Variants in SGCD observed in about 807,000 individuals in gnomAD.
The protein encoded by SGCD is delta-sarcoglycan.
SGCD carries 18 observed loss-of-function variants against 36.6 expected under a neutral mutation model. The ratio of observed to expected loss-of-function variants is 0.49; its 90% CI spans 0.34 to 0.73. The LOEUF is 0.73. SGCD is among the 30% of genes least tolerant of loss of function. SGCD has a pLI of 0.01. For missense variants in SGCD, 387 were observed against 346.7 expected (o/e 1.12, Z -0.92); for synonymous variants, 133 against 130.6 (o/e 1.02, Z -0.12).
intron 3 of SGCD, among the ~76,000 whole-genome samples, chr5:156,261,666 C>T (rs933364897): frequency 6.6e-6 from 1 of 152,070 alleles, no homozygotes; most frequent in Non-Finnish European, 1.5e-5. Context: ...TCAGGCATGT[C>T]GTTCAGGAGG....
At chr5:156,109,995 G>A (rs1761746222) in intron 1 of SGCD, among the ~76,000 whole-genome samples, 2 of 152,294 alleles carry the variant, frequency 1.3e-5, no homozygotes, top group Admixed American at 6.5e-5. Context: ...AATATTCTGA[G>A]TTTCTATCCT....
intron 4 of SGCD, 107 bp from the exon 5 acceptor site, chr5:156,589,124 T>G (rs749524999): frequency 6.9e-6 from 5 of 729,122 alleles, no homozygotes; most frequent in Non-Finnish European, 1.2e-5. Context: ...GACACATTGA[T>G]TGGAACTTGG....
intron 3 of SGCD, among the ~76,000 whole-genome samples, chr5:156,148,836 G>T (rs868828995): frequency 6.6e-6 from 1 of 152,078 alleles, no homozygotes; most frequent in African/African-American, 2.4e-5. Flanking sequence ...TAGGGTCCGG[G>T]GTCTGGAAAG....
At chr5:156,282,169 CAT>C (rs1266750151) in intron 3 of SGCD, among the ~76,000 whole-genome samples, 2 of 152,110 alleles carry the variant, frequency 1.3e-5, no homozygotes, top group African/African-American at 4.8e-5. Flanking sequence ...AGGCCTGAGT[CAT>C]GTGAGCATTT....
intron 3 of SGCD, among the ~76,000 whole-genome samples, chr5:156,250,257 G>T (rs771804040): frequency 6.6e-6 from 1 of 152,164 alleles, no homozygotes; most frequent in African/African-American, 2.4e-5. Context: ...CAAAGATAGC[G>T]AGGTACCTTT....
At position 156,431,619 on chromosome 5, in the gene SGCD, T is replaced by C. The variant is rs113780293; in HGVS notation, c.193-76982T>C. The stretch of plus-strand genomic sequence containing the variant: ...GACTCAAGGTCTGCTGTTAAGATTA[T>C]TTTGTCCCACGGGGTAATCCCTTGA... On this transcript the variant is annotated intron_variant, in intron 3 of 8. Coordinates refer to ENST00000337851, the MANE Select transcript of SGCD (RefSeq NM_000337.6). 4.6e-5 allele frequency among the ~76,000 whole-genome samples: 7 copies of C among 152,324 alleles called. No homozygotes were observed. In the East Asian group the frequency reaches 5.8e-4, roughly 13 times the overall value.
At chr5:155,771,780 G>A in the SGCD span, among the ~76,000 whole-genome samples, 2 of 151,932 alleles carry the variant, frequency 1.3e-5, no homozygotes, top group Non-Finnish European at 2.9e-5. Flanking sequence ...TTGAACTCCT[G>A]GGCTCAAGTG....
chr5:156,144,741 A>T (rs183094133), intron 3 of SGCD, among the ~76,000 whole-genome samples: 269 of 152,254 alleles, frequency 1.8e-3, no homozygotes, highest in African/African-American at 5.3e-3. Context: ...ATTTAGTTTA[A>T]TTAGATCCCA....
chr5:156,698,728 C>A (rs61231457), intron 7 of SGCD, among the ~76,000 whole-genome samples: 4,007 of 152,148 alleles, frequency 0.026, 175 homozygotes, highest in African/African-American at 0.091. Flanking sequence ...CTGCTCCTAA[C>A]CCATTGTGTG....
intron 3 of SGCD, among the ~76,000 whole-genome samples, chr5:156,348,208 C>A (rs1261154555): frequency 6.6e-6 from 1 of 151,982 alleles, no homozygotes; most frequent in Non-Finnish European, 1.5e-5. Flanking sequence ...GGCAGTAAAG[C>A]AGTTTATGCA....
chr5:156,226,857 AT>A (rs905003323), intron 3 of SGCD, among the ~76,000 whole-genome samples: 15 of 150,764 alleles, frequency 9.9e-5, no homozygotes, highest in East Asian at 7.8e-4. Context: ...GACATTGAGC[AT>A]TTTTTTTTGT....
At chr5:156,167,049 C>G (rs966525617) in intron 3 of SGCD, among the ~76,000 whole-genome samples, 1 of 152,146 alleles carries the variant, frequency 6.6e-6, no homozygotes. Flanking sequence ...GACCCATTCT[C>G]CAATTTAGCA....
At chr5:156,185,358 G>A (rs1361301406) in intron 3 of SGCD, among the ~76,000 whole-genome samples, 1 of 151,756 alleles carries the variant, frequency 6.6e-6, no homozygotes, top group Non-Finnish European at 1.5e-5. Context: ...GGGACTACAG[G>A]CGCCCGCCAC....
At chr5:155,792,144 G>A in the SGCD span, among the ~76,000 whole-genome samples, 1 of 152,098 alleles carries the variant, frequency 6.6e-6, no homozygotes, top group Middle Eastern at 3.4e-3. Context: ...GTTGACAAAA[G>A]CAGTGGGGAA....
chr5:156,707,503 C>T (rs1754794590), intron 7 of SGCD, among the ~76,000 whole-genome samples: 1 of 152,062 alleles, frequency 6.6e-6, no homozygotes, highest in African/African-American at 2.4e-5. Flanking sequence ...CAGTAACTAA[C>T]ATGAAAGAGC....
intron 1 of SGCD, among the ~76,000 whole-genome samples, chr5:156,022,661 G>T (rs1487336070): frequency 6.6e-6 from 1 of 152,084 alleles, no homozygotes; most frequent in African/African-American, 2.4e-5. Context: ...GCAAATATTT[G>T]TACCTGTTTT....
intron 2 of SGCD, among the ~76,000 whole-genome samples, chr5:156,123,009 G>T (rs1395354051): frequency 6.6e-6 from 1 of 152,082 alleles, no homozygotes; most frequent in South Asian, 2.1e-4. Flanking sequence ...TGACCAACTG[G>T]GTGAATAAAA....
At chr5:156,452,300 C>T (rs902570595) in intron 3 of SGCD, among the ~76,000 whole-genome samples, 3 of 151,452 alleles carry the variant, frequency 2.0e-5, no homozygotes, top group African/African-American at 7.4e-5. Context: ...GGTATAGTCT[C>T]TCACTAAGTT....
intron 3 of SGCD, among the ~76,000 whole-genome samples, chr5:156,399,321 A>G (rs1214629421): frequency 6.6e-6 from 1 of 152,242 alleles, no homozygotes; most frequent in Admixed American, 6.5e-5. Flanking sequence ...AGGCAAATCC[A>G]GGATTTTTGA....
Sources: allele counts gnomAD v4.1 joint callset (sites outside exome capture counted in the v4.1 genomes callset), GRCh38; gene constraint gnomAD v4.1.1; transcripts MANE v1.5; gene names NCBI Gene and HGNC (gene_info 2026-07-23, HGNC 2026-07-21).